The following NIM1K variants were observed in gnomAD, a reference collection of about 807,000 sequenced individuals.
The protein encoded by NIM1K is serine/threonine-protein kinase NIM1.
Under a neutral mutation model 37.1 loss-of-function variants are expected in NIM1K, and 35 were observed. The observed-to-expected ratio is 0.94, with a 90% CI of 0.72 to 1.25. The LOEUF (loss-of-function observed/expected upper bound fraction) is 1.25. NIM1K is among the 50% of genes most tolerant of loss of function. The pLI, the probability that NIM1K is intolerant of heterozygous loss-of-function variation, is 0.00. For missense variants in NIM1K, 564 were observed against 548.0 expected (o/e 1.03, Z -0.29); for synonymous variants, 234 against 206.6 (o/e 1.13, Z -1.14).
chr5:43,272,572 C>A (rs560194554), intron 2 of NIM1K, among the ~76,000 whole-genome samples: 3 of 152,132 alleles, frequency 2.0e-5, no homozygotes, highest in Admixed American at 6.5e-5. Context: ...CAGCCCCTCA[C>A]GGTAAGGCTG....
At chr5:43,201,495 T>C (rs1752019641) in intron 1 of NIM1K, among the ~76,000 whole-genome samples, 2 of 152,312 alleles carry the variant, frequency 1.3e-5, no homozygotes, top group African/African-American at 2.4e-5. Flanking sequence ...CTGCCTTTGT[T>C]TGAATGATGA....
chr5:43,247,171 A>T (rs1006693292), intron 2 of NIM1K, among the ~76,000 whole-genome samples: 2 of 151,180 alleles, frequency 1.3e-5, no homozygotes, highest in Non-Finnish European at 2.9e-5. Flanking sequence ...TGACCCACAC[A>T]CTCCCAAGTC....
intron 1 of NIM1K, among the ~76,000 whole-genome samples, chr5:43,198,207 C>CTTTCTTTCTCTTTCTTTCTT (rs1281355308): frequency 6.1e-5 from 3 of 48,852 alleles, no homozygotes; most frequent in African/African-American, 7.8e-5. Context: ...TTCTTTCTTT[C>CTTTCTTTCTCTTTCTTTCTT]TCTTTCTTTC....
chr5:43,247,983 G>A (rs374565287), intron 2 of NIM1K, among the ~76,000 whole-genome samples: 17 of 152,114 alleles, frequency 1.1e-4, no homozygotes, highest in South Asian at 2.1e-4. Context: ...GAGAAGTTGT[G>A]TACAAATAAA....
intron 1 of NIM1K, among the ~76,000 whole-genome samples, chr5:43,211,800 T>G (rs796591211): frequency 2.6e-4 from 39 of 152,326 alleles, no homozygotes; most frequent in African/African-American, 8.7e-4. Flanking sequence ...TGGTAAAATC[T>G]ACATTTTGGA....
intron 1 of NIM1K, chr5:43,207,545 G>A: frequency 4.3e-6 from 3 of 698,312 alleles, no homozygotes; most frequent in Non-Finnish European, 8.2e-6. Context: ...CATGTCTCCA[G>A]AAGAAGATTC....
At chr5:43,248,911 G>A (rs1286204567) in intron 2 of NIM1K, among the ~76,000 whole-genome samples, 1 of 150,764 alleles carries the variant, frequency 6.6e-6, no homozygotes, top group Non-Finnish European at 1.5e-5. Flanking sequence ...GTCTCACCTT[G>A]TCACCGAGGC....
At chr5:43,276,876 G>T (rs530507647) in intron 2 of NIM1K, among the ~76,000 whole-genome samples, 181 bp from the exon 3 acceptor site, 1 of 152,252 alleles carries the variant, frequency 6.6e-6, no homozygotes, top group East Asian at 1.9e-4. Context: ...GACTCACACC[G>T]ATCCAAGGGA....
intron 2 of NIM1K, among the ~76,000 whole-genome samples, chr5:43,269,332 A>AG (rs61270899): frequency 6.6e-6 from 1 of 150,574 alleles, no homozygotes; most frequent in Non-Finnish European, 1.5e-5. Flanking sequence ...AAAAAAAAAA[A>AG]GAATAGCTAC....
chr5:43,267,153 C>G (rs1162424124), intron 2 of NIM1K, among the ~76,000 whole-genome samples: 1 of 152,130 alleles, frequency 6.6e-6, no homozygotes, highest in Admixed American at 6.5e-5. Flanking sequence ...ATCTGGTCTG[C>G]TCAGGATTTC....
chr5:43,275,898 T>C (rs991983297), intron 2 of NIM1K, among the ~76,000 whole-genome samples: 7 of 142,824 alleles, frequency 4.9e-5, no homozygotes, highest in Non-Finnish European at 3.1e-5. Flanking sequence ...ATTGAGTAAT[T>C]TTTTTTTTTT....
Position 43,277,276 on chromosome 5 carries a change from C to T in NIM1K, c.512C>T (p.Pro171Leu). 3 of 1,614,064 alleles carry T rather than the reference C, an allele frequency of 1.9e-6. No homozygotes were observed. Among genetic ancestry groups the T allele is most frequent in the Non-Finnish European group, 2.5e-6 (3 of 1,179,992 alleles). Residue 171 changes from proline (P) to leucine (L), a missense_variant, in exon 3 of 4, where the codon CCA becomes CTA. Transcript: ENST00000326035. The stretch of plus-strand genomic sequence containing the variant: ...AGCACTGAGGGGAAGCTCTCTGAAC[C>T]AGAAAGCAAGCTCATCTTCTCCCAG... The part of the protein sequence containing the change: ...KISTEGKLSE[P>L]ESKLIFSQIV...
intron 1 of NIM1K, among the ~76,000 whole-genome samples, chr5:43,236,961 A>G (rs1400247512): frequency 4.6e-5 from 7 of 152,236 alleles, no homozygotes; most frequent in Non-Finnish European, 7.3e-5. Context: ...AGAAATAAAG[A>G]GCTGAGCTAA....
At chr5:43,224,091 CG>C (rs1664070165) in intron 1 of NIM1K, among the ~76,000 whole-genome samples, 1 of 148,658 alleles carries the variant, frequency 6.7e-6, no homozygotes, top group Non-Finnish European at 1.5e-5. Flanking sequence ...TTCTGGAGAA[CG>C]GGGTCTTGCT....
At chr5:43,242,152 G>A (rs1752712294) in intron 1 of NIM1K, among the ~76,000 whole-genome samples, 1 of 151,984 alleles carries the variant, frequency 6.6e-6, no homozygotes, top group East Asian at 1.9e-4. Context: ...AGGTGTTAGG[G>A]TACGTAATTC....
chr5:43,194,923 T>C (rs1751890365), intron 1 of NIM1K: 1 of 152,186 alleles, frequency 6.6e-6, no homozygotes, highest in Admixed American at 6.5e-5. Flanking sequence ...AAAGCAAAGA[T>C]TTTTGTCTTA....
chr5:43,227,936 C>A (rs886629287), intron 1 of NIM1K, among the ~76,000 whole-genome samples: 2 of 152,034 alleles, frequency 1.3e-5, no homozygotes, highest in African/African-American at 2.4e-5. Flanking sequence ...AGATACTGAA[C>A]CTAGAGAGTG....
rs185640023 is a variant in NIM1K at position 43,269,569 on chromosome 5, A to G, written c.293-7488A>G. On this transcript the variant is annotated intron_variant, in intron 2 of 3. Coordinates refer to ENST00000326035, the MANE Select transcript of NIM1K (RefSeq NM_153361.4). Reference sequence around the variant, plus strand: ...AGGTACGATTCTCCTCATCATGTTGATTATTACCTGGATCCTTTTGTGTGT... The same window carrying G: ...AGGTACGATTCTCCTCATCATGTTGGTTATTACCTGGATCCTTTTGTGTGT... 7.3e-4 allele frequency among the ~76,000 whole-genome samples: 110 copies of G among 151,554 alleles called. 1 individual carries two copies. Among genetic ancestry groups the G allele is most frequent in the Admixed American group, 7.2e-3 (110 of 15,204 alleles).
chr5:43,236,095 C>T (rs1752617558), intron 1 of NIM1K, among the ~76,000 whole-genome samples: 1 of 151,564 alleles, frequency 6.6e-6, no homozygotes, highest in Non-Finnish European at 1.5e-5. Context: ...GACAACATGG[C>T]AAAACCCTGT....
Sources: gnomAD v4.1 joint callset for allele counts (sites outside exome capture counted in the v4.1 genomes callset) on GRCh38, gnomAD v4.1.1 for gene constraint, MANE v1.5 for transcripts, NCBI Gene and HGNC (gene_info 2026-07-23, HGNC 2026-07-21) for gene names.